IQANK1: variants seen among roughly 807,000 people sequenced by gnomAD.
IQANK1 encodes IQ motif and ankyrin repeat containing 1, also known as IQ motif and ankyrin repeat domain-containing protein 1.
In IQANK1, 30 loss-of-function variants were observed where a neutral mutation model predicts 22.6. That is an observed-to-expected ratio of 1.33 (90% CI 0.99 to 1.80). The LOEUF is 1.80. Ranked by LOEUF, IQANK1 falls within the 40% of genes most tolerant of loss-of-function variation. IQANK1 has a pLI of 0.00. For missense variants in IQANK1, 275 were observed against 235.2 expected (o/e 1.17, Z -1.11); for synonymous variants, 122 against 99.6 (o/e 1.23, Z -1.34).
At chr8:143,754,884 C>T (rs535924165) in intron 3 of IQANK1, among the ~76,000 whole-genome samples, 53 of 152,260 alleles carry the variant, frequency 3.5e-4, no homozygotes, top group Admixed American at 2.9e-3. Context: ...CCTCGGCCTC[C>T]CAAAGTGCTG....
At position 143,790,362 on chromosome 8, in the gene IQANK1, G is replaced by T; in HGVS notation, c.1437G>T (p.Pro479=). 1 of 1,121,292 alleles carries T rather than the reference G, an allele frequency of 8.9e-7. No homozygotes were observed. The highest frequency in any genetic ancestry group is 1.1e-6 in the Non-Finnish European group (1 of 887,306). The allele number at this position is 1,121,292 out of a possible 1,614,324, so 69.5% of individuals were successfully genotyped here. The change falls in exon 14 of 14, where the codon CCG becomes CCT. Residue 479 remains proline (P), a synonymous_variant. Coordinates refer to ENST00000527139, the MANE Select transcript of IQANK1 (RefSeq NM_001381874.1). ...CCTCATGGGGCAGGTATGGGAAGCCGCTGGTGTTCGACCTGCGAGAGGAAG... is the reference window on the plus strand; with the variant it reads ...CCTCATGGGGCAGGTATGGGAAGCCTCTGGTGTTCGACCTGCGAGAGGAAG... The part of the protein sequence containing the change: ...ALLGALRYGK[P]LVFDLREEDL...
intron 7 of IQANK1, among the ~76,000 whole-genome samples, chr8:143,780,118 C>A (rs1244105491): frequency 6.6e-6 from 1 of 152,044 alleles, no homozygotes; most frequent in African/African-American, 2.4e-5. Context: ...ATCGCCAGAA[C>A]ACCACACCTC....
intron 7 of IQANK1, among the ~76,000 whole-genome samples, chr8:143,780,407 G>A (rs1404174534): frequency 3.9e-5 from 6 of 151,952 alleles, no homozygotes; most frequent in East Asian, 1.9e-4. Context: ...GGGATTTGTC[G>A]TACAGATTAT....
chr8:143,740,286 T>C (rs557717542), intron 3 of IQANK1, among the ~76,000 whole-genome samples: 16 of 151,772 alleles, frequency 1.1e-4, no homozygotes, highest in Non-Finnish European at 1.9e-4. Context: ...GTCCGCCGCG[T>C]CGTGCCCGCC....
chr8:143,785,946 C>G (rs781998292), intron 7 of IQANK1, among the ~76,000 whole-genome samples: 4 of 152,080 alleles, frequency 2.6e-5, no homozygotes, highest in African/African-American at 4.8e-5. Flanking sequence ...AGGCTGGTCT[C>G]CAACTCCTGA....
chr8:143,782,467 CTTTTCTTT>C (rs1554631029), intron 7 of IQANK1, among the ~76,000 whole-genome samples: 43 of 151,724 alleles, frequency 2.8e-4, no homozygotes, highest in Non-Finnish European at 3.2e-4. Flanking sequence ...TACTTTCTTG[CTTTTCTTT>C]TTTTCTTTTT....
chr8:143,781,952 TG>T (rs2129939965), intron 7 of IQANK1, among the ~76,000 whole-genome samples: 2 of 152,336 alleles, frequency 1.3e-5, no homozygotes, highest in South Asian at 4.1e-4. Flanking sequence ...TCCGTGAGCA[TG>T]GGATGTTTTT....
intron 7 of IQANK1, among the ~76,000 whole-genome samples, chr8:143,782,745 G>A (rs1415483069): frequency 6.6e-6 from 1 of 152,122 alleles, no homozygotes; most frequent in Admixed American, 6.5e-5. Context: ...CGAAGAGCTG[G>A]GATTACAGAT....
chr8:143,759,109 A>T (rs1278221745), intron 3 of IQANK1: 2 of 323,872 alleles, frequency 6.2e-6, no homozygotes, highest in Admixed American at 7.0e-5. Context: ...TTCGACTGCC[A>T]TGAAGAGGTT....
chr8:143,771,574 G>T lies in IQANK1; in HGVS notation c.262G>T (p.Glu88Ter). ...ARRELARRRE[E>*]RREYLEQMET... is the part of the protein sequence containing the mutation. ...GAGGGAGCTCGCCCGCCGCCGGGAG[G>T]AGCGCCGGGAGTACCTGGAGCAGAT... is the stretch of plus-strand genomic sequence containing the variant. Residue 88 changes from glutamate to a stop codon, truncating the protein, a stop_gained, in exon 4 of 14, where the codon GAG (glutamate) becomes TAG (stop). Transcript: ENST00000527139. LOFTEE classifies it high-confidence loss of function. This position sits in a 1 kb window ranked among gnomAD's most constrained non-coding sequence, Gnocchi z 6.0. 2.5e-6 allele frequency: 1 copy of T among 398,344 alleles called. No individual in the cohort carries two copies. Among genetic ancestry groups the T allele is most frequent in the Non-Finnish European group, 4.4e-6 (1 of 225,876 alleles). 24.7% of individuals were successfully genotyped at this position (398,344 alleles called of 1,614,324 possible).
At chr8:143,788,316 C>T (rs146851224) in intron 7 of IQANK1, among the ~76,000 whole-genome samples, 3 of 152,346 alleles carry the variant, frequency 2.0e-5, no homozygotes, top group African/African-American at 4.8e-5. Flanking sequence ...AAGCATCACC[C>T]CTGCTCCACA....
rs781948789 is a variant in IQANK1, at chr8:143,743,771, C to T, written c.175+3823C>T. On this transcript the variant is annotated intron_variant, in intron 3 of 13. Coordinates refer to ENST00000527139, the MANE Select transcript of IQANK1 (RefSeq NM_001381874.1). ...GTGTGAATAATTATGCTGCCATCTA[C>T]AGATAAGTGAGATCAGAAACATTAG... is the stretch of plus-strand genomic sequence containing the variant. 82 of 360,668 alleles carry T rather than the reference C, an allele frequency of 2.3e-4. No homozygotes were observed. The Middle Eastern group carries it at 2.9e-3, about 13-fold the overall frequency. The allele number at this position is 360,668 out of a possible 1,614,324, so 22.3% of individuals were successfully genotyped here.
intron 2 of IQANK1, among the ~76,000 whole-genome samples, chr8:143,736,782 C>T (rs112198062): frequency 0.049 from 7,388 of 152,078 alleles, 626 homozygotes; most frequent in African/African-American, 0.17. Context: ...AGACTTCCCC[C>T]AGTACCCTCC....
At chr8:143,760,139 T>A (rs940235182) in intron 3 of IQANK1, among the ~76,000 whole-genome samples, 2 of 152,184 alleles carry the variant, frequency 1.3e-5, no homozygotes, top group Non-Finnish European at 2.9e-5. Context: ...CGCCCTTGTC[T>A]GGAGCACCCC....
chr8:143,735,912 C>T lies in IQANK1; in HGVS notation c.59C>T (p.Pro20Leu). Residue 20 changes from proline to leucine, a missense_variant, in exon 2 of 14, where the codon CCT becomes CTT. Physicochemically the swap from Pro to Leu is moderately conservative, Grantham distance 98 (BLOSUM62 -3). Transcript: ENST00000527139. This position sits in a 1 kb window ranked among gnomAD's most constrained non-coding sequence, Gnocchi z 5.2. The stretch of plus-strand genomic sequence containing the variant: ...GCTGGGAAGTGGCAGACGCTCCACC[C>T]TGGGCCCAAGACAAGAGCTGCTGCT... Reference protein sequence around the residue: ...AAAGKWQTLHPGPKTRAAAGK... With the variant: ...AAAGKWQTLHLGPKTRAAAGK... 1 of 702,642 alleles carries T rather than the reference C, an allele frequency of 1.4e-6. No homozygotes were observed. The highest frequency in any genetic ancestry group is 2.6e-6 in the Non-Finnish European group (1 of 384,928). The allele number at this position is 702,642 out of a possible 1,614,324, so 43.5% of individuals were successfully genotyped here.
At chr8:143,759,738 G>C (rs1159799751) in intron 3 of IQANK1, 1 of 152,204 alleles carries the variant, frequency 6.6e-6, no homozygotes, top group Non-Finnish European at 1.5e-5. Flanking sequence ...GCCCTGCATC[G>C]TTCACATCTT....
chr8:143,746,587 T>G (rs900421471), intron 3 of IQANK1, among the ~76,000 whole-genome samples: 82 of 152,208 alleles, frequency 5.4e-4, no homozygotes, highest in African/African-American at 1.9e-3. Flanking sequence ...CTCACTATGT[T>G]GTCCAGACTG....
rs1190607192 is a variant in IQANK1 at position 143,748,885 on chromosome 8, TC to T, written c.175+8938del. ...ATATATAAATATATAAATATATATATCATAAATACTTAAAAATATACATATA... is the reference window on the plus strand; with the variant it reads ...ATATATAAATATATAAATATATATATATAAATACTTAAAAATATACATATA... On this transcript the variant is annotated intron_variant, in intron 3 of 13. Coordinates refer to ENST00000527139, the MANE Select transcript of IQANK1 (RefSeq NM_001381874.1). 1.6e-4 allele frequency among the ~76,000 whole-genome samples: 12 copies of T among 74,462 alleles called. 1 individual carries two copies. The highest frequency in any genetic ancestry group is 1.2e-3 in the African/African-American group (9 of 7,264). The allele number at this position is 74,462 out of a possible 152,430, so 48.8% of individuals were successfully genotyped here.
chr8:143,769,479 A>C (rs1819534761), intron 3 of IQANK1, among the ~76,000 whole-genome samples: 1 of 152,198 alleles, frequency 6.6e-6, no homozygotes, highest in Non-Finnish European at 1.5e-5. Flanking sequence ...TTACAAGGCC[A>C]CTGCGCTTGG....
Sources: gnomAD v4.1 joint callset for allele counts (sites outside exome capture counted in the v4.1 genomes callset) on GRCh38, gnomAD v4.1.1 for gene constraint, Gnocchi (gnomAD v3.1) non-coding constraint, MANE v1.5 for transcripts, NCBI Gene and HGNC (gene_info 2026-07-23, HGNC 2026-07-21) for gene names.